MYO16: variants seen among roughly 807,000 people sequenced by gnomAD.
The protein encoded by MYO16 is unconventional myosin-XVI.
MYO16 carries 94 observed loss-of-function variants against 205.3 expected under a neutral mutation model. The observed-to-expected ratio is 0.46, with a 90% CI of 0.39 to 0.54. The LOEUF (loss-of-function observed/expected upper bound fraction) is 0.54. MYO16 is among the 20% of genes least tolerant of loss of function. MYO16 has a pLI of 0.00. For missense variants in MYO16, 2,315 were observed against 2,387.5 expected, an observed-to-expected ratio of 0.97 and a Z score of 0.63; for synonymous variants, 988 against 954.0, an observed-to-expected ratio of 1.04 and a Z score of -0.66.
the MYO16 span, among the ~76,000 whole-genome samples, chr13:108,545,319 C>T: frequency 6.6e-6 from 1 of 152,170 alleles, no homozygotes; most frequent in Non-Finnish European, 1.5e-5. Flanking sequence ...ATCCACGTTG[C>T]TGCATAGGAC....
chr13:108,764,838 G>T (rs1044248506), intron 4 of MYO16, among the ~76,000 whole-genome samples: 3 of 152,108 alleles, frequency 2.0e-5, no homozygotes, highest in Non-Finnish European at 4.4e-5. Flanking sequence ...CTTGCCTAAA[G>T]TTTTACTCCT....
intron 14 of MYO16, among the ~76,000 whole-genome samples, chr13:108,888,883 C>T (rs534496110): frequency 3.1e-4 from 47 of 151,882 alleles, no homozygotes; most frequent in Non-Finnish European, 5.4e-4. Context: ...TGTGAAACCT[C>T]GTCTCTACTA....
intron 15 of MYO16, among the ~76,000 whole-genome samples, chr13:108,901,407 T>C (rs1016786175): frequency 1.3e-5 from 2 of 152,106 alleles, no homozygotes; most frequent in African/African-American, 4.8e-5. Flanking sequence ...TTGTACTCTG[T>C]CCCTTTATTT....
intron 5 of MYO16, 55 bp from the exon 6 acceptor site, chr13:108,793,461 C>T: frequency 6.4e-7 from 1 of 1,572,768 alleles, no homozygotes; most frequent in African/African-American, 1.4e-5. Flanking sequence ...GCTTTGACCC[C>T]CAGGAACTGA....
chr13:108,778,245 A>G (rs574737503), intron 4 of MYO16, among the ~76,000 whole-genome samples: 5 of 152,298 alleles, frequency 3.3e-5, no homozygotes, highest in African/African-American at 1.2e-4. Flanking sequence ...TCAGTGAACA[A>G]TGGGACATCT....
intron 4 of MYO16, among the ~76,000 whole-genome samples, chr13:108,762,177 A>G (rs1885631254): frequency 6.6e-6 from 1 of 152,138 alleles, no homozygotes; most frequent in Non-Finnish European, 1.5e-5. Context: ...ACACGATTTC[A>G]TTCTTTTTGT....
chr13:108,870,188 T>C (rs1878978282), intron 12 of MYO16, among the ~76,000 whole-genome samples: 1 of 152,020 alleles, frequency 6.6e-6, no homozygotes. Context: ...GATATGAATA[T>C]TTTTCTCCTT....
chr13:108,993,906 C>T (rs1884920731), intron 21 of MYO16, among the ~76,000 whole-genome samples: 1 of 152,070 alleles, frequency 6.6e-6, no homozygotes, highest in African/African-American at 2.4e-5. Flanking sequence ...ATGAGAGTCA[C>T]TGGTTTATCC....
chr13:108,695,930 T>C (rs1883075299), intron 2 of MYO16, among the ~76,000 whole-genome samples: 1 of 152,226 alleles, frequency 6.6e-6, no homozygotes, highest in African/African-American at 2.4e-5. Flanking sequence ...AACAACCATA[T>C]GCAACTGATG....
chr13:108,641,173 G>C (rs1218865455), intron 1 of MYO16, among the ~76,000 whole-genome samples: 1 of 152,160 alleles, frequency 6.6e-6, no homozygotes, highest in Non-Finnish European at 1.5e-5. Flanking sequence ...AACAAGATAA[G>C]AATGCAAACG....
chr13:108,554,615 C>T, the MYO16 span, among the ~76,000 whole-genome samples: 16 of 152,056 alleles, frequency 1.1e-4, no homozygotes, highest in Admixed American at 4.6e-4. Flanking sequence ...TTTGGGAGGC[C>T]GAGGCGGGCG....
chr13:108,689,564 T>C (rs970007150), intron 2 of MYO16, among the ~76,000 whole-genome samples: 1 of 152,174 alleles, frequency 6.6e-6, no homozygotes, highest in Non-Finnish European at 1.5e-5. Context: ...AATTATCATA[T>C]TTAGTAAGAA....
rs1396362156 is a variant in MYO16, at chr13:108,957,725, G to A, written c.1963G>A (p.Gly655Arg). 6.2e-7 allele frequency: 1 copy of A among 1,613,378 alleles called. No individual in the cohort carries two copies. Among genetic ancestry groups the A allele is most frequent in the Non-Finnish European group, 8.5e-7 (1 of 1,179,494 alleles). Residue 655 changes from glycine to arginine, a missense_variant, in exon 17 of 35, where the codon GGG (glycine) becomes AGG (arginine). Around this residue, in one of 3 missense-constraint regions of MYO16, gnomAD observed 1,213 missense variants for 1,274.4 expected, o/e 0.95. Transcript: ENST00000457511. Reference protein sequence around the residue: ...NQTIQDDASTGERSLNREKLA... With the variant: ...NQTIQDDASTRERSLNREKLA... ...GACCATACAGGATGATGCATCCACA[G>A]GGGAGCGTTCTCTGAACAGGGAGAA...
intron 1 of MYO16, among the ~76,000 whole-genome samples, chr13:108,622,187 C>A (rs528430888): frequency 2.6e-5 from 4 of 152,166 alleles, no homozygotes; most frequent in African/African-American, 9.6e-5. Context: ...GTCTTCAAGG[C>A]AAATCACATA....
chr13:109,035,144 G>A (rs74119807), intron 23 of MYO16, among the ~76,000 whole-genome samples: 25 of 143,816 alleles, frequency 1.7e-4, no homozygotes, highest in East Asian at 4.9e-4. Flanking sequence ...CATATATAGC[G>A]TACCACAATA....
At chr13:108,790,307 C>T (rs866933980) in intron 5 of MYO16, among the ~76,000 whole-genome samples, 1 of 152,072 alleles carries the variant, frequency 6.6e-6, no homozygotes, top group Non-Finnish European at 1.5e-5. Flanking sequence ...CGGGAGTTGA[C>T]GTAATTTCAG....
intron 2 of MYO16, among the ~76,000 whole-genome samples, chr13:108,676,438 TTGTCTCATTTAATC>T (rs547110882): frequency 1.6e-3 from 238 of 150,534 alleles, no homozygotes; most frequent in African/African-American, 5.4e-3. Context: ...TTTATACATA[TTGTCTCATTTAATC>T]TGAAAAGAAT....
At chr13:108,747,296 A>G (rs1648317387) in intron 4 of MYO16, among the ~76,000 whole-genome samples, 1 of 142,954 alleles carries the variant, frequency 7.0e-6, no homozygotes, top group South Asian at 2.2e-4. Context: ...TTCGAAATTC[A>G]TCTAAAAATG....
At chr13:108,551,654 C>T in the MYO16 span, among the ~76,000 whole-genome samples, 2 of 152,124 alleles carry the variant, frequency 1.3e-5, no homozygotes, top group Non-Finnish European at 2.9e-5. Flanking sequence ...AAAAATCTTA[C>T]AAGGATTCTG....
Sources: gnomAD v4.1 joint callset for allele counts (sites outside exome capture counted in the v4.1 genomes callset) on GRCh38, gnomAD v4.1.1 for gene constraint, gnomAD v4.1.1 regional missense constraint, MANE v1.5 for transcripts, NCBI Gene and HGNC (gene_info 2026-07-23, HGNC 2026-07-21) for gene names.